Variants in PDE3A observed in about 807,000 individuals in gnomAD.
PDE3A encodes phosphodiesterase 3A.
PDE3A carries 43 observed loss-of-function variants against 98.3 expected under a neutral mutation model. The ratio of observed to expected loss-of-function variants is 0.44; its 90% confidence interval spans 0.34 to 0.56. The LOEUF (loss-of-function observed/expected upper bound fraction) is 0.56. Ranked by LOEUF, PDE3A falls within the 20% of genes least tolerant of loss-of-function variation. The pLI, the probability that PDE3A is intolerant of heterozygous loss-of-function variation, is 0.01. For synonymous variants in PDE3A, 663 were observed against 567.9 expected (o/e 1.17, Z -2.38); for missense variants, 1,427 against 1,440.7 (o/e 0.99, Z 0.15).
chr12:20,385,983 T>TAATATATATAAAATATATATAAA (rs1200465851), intron 1 of PDE3A, among the ~76,000 whole-genome samples: 2 of 69,900 alleles, frequency 2.9e-5, no homozygotes, highest in Non-Finnish European at 5.7e-5. Context: ...TATTAATATA[T>TAATATATATAAAATATATATAAA]AATATATATA....
At chr12:20,550,021 C>A (rs990005496) in intron 1 of PDE3A, among the ~76,000 whole-genome samples, 1 of 152,064 alleles carries the variant, frequency 6.6e-6, no homozygotes. Flanking sequence ...AAATCGTCAT[C>A]GTTAAGATAA....
chr12:20,528,990 G>A (rs1048276385), intron 1 of PDE3A, among the ~76,000 whole-genome samples: 2 of 152,056 alleles, frequency 1.3e-5, no homozygotes, highest in Non-Finnish European at 2.9e-5. Flanking sequence ...AAATTCATGA[G>A]CAGGACAGAT....
intron 4 of PDE3A, 99 bp downstream of exon 4, chr12:20,616,483 T>G: frequency 8.8e-7 from 1 of 1,139,280 alleles, no homozygotes. Context: ...CAATTACATT[T>G]GGTTGGAGGT....
At position 20,483,653 on chromosome 12, in the gene PDE3A, C is replaced by T. The variant is rs182899020; in HGVS notation, c.961-73007C>T. ...ATTTCCTTATATTACTCTGTTTTTACTGTAATGTTTAGAAATCTACTTTCT... is the reference window on the plus strand; with the variant it reads ...ATTTCCTTATATTACTCTGTTTTTATTGTAATGTTTAGAAATCTACTTTCT... On this transcript the variant is annotated intron_variant, in intron 1 of 15. Coordinates refer to ENST00000359062, the MANE Select transcript of PDE3A (RefSeq NM_000921.5). Among the ~76,000 whole-genome samples, 379 of 152,112 alleles carry T rather than the reference C, an allele frequency of 2.5e-3. 5 individuals are homozygous for T. Among genetic ancestry groups the T allele is most frequent in the African/African-American group, 6.2e-3 (257 of 41,500 alleles).
At chr12:20,619,967 A>T (rs1260663746) in intron 4 of PDE3A, among the ~76,000 whole-genome samples, 2 of 152,128 alleles carry the variant, frequency 1.3e-5, no homozygotes, top group African/African-American at 4.8e-5. Flanking sequence ...TACAGACAAT[A>T]GTAAGACCCA....
intron 4 of PDE3A, 35 bp from the exon 5 acceptor site, chr12:20,621,261 A>G (rs1467959175): frequency 2.5e-6 from 3 of 1,200,348 alleles, no homozygotes; most frequent in Non-Finnish European, 3.7e-6. Context: ...AATTTGTTTA[A>G]TTTTCTTTTA....
At position 20,368,811 on chromosome 12, in the gene PDE3A, G is replaced by T. The variant is rs1013498942; in HGVS notation, c.-474G>T. Among the ~76,000 whole-genome samples the T allele has an allele frequency of 6.6e-6, 1 of 151,820 alleles. No individual in the cohort carries two copies. Among genetic ancestry groups the T allele is most frequent in the Non-Finnish European group, 1.5e-5 (1 of 67,916 alleles). ...CGCGGGCCCGGCGCGCTGCAGCGCAGCGCAGCGCCGAGCTGCGCCTCGGAA... is the reference window on the plus strand; with the variant it reads ...CGCGGGCCCGGCGCGCTGCAGCGCATCGCAGCGCCGAGCTGCGCCTCGGAA... On this transcript the variant is annotated 5_prime_UTR_variant, in exon 1 of 16. Coordinates refer to ENST00000359062, the MANE Select transcript of PDE3A (RefSeq NM_000921.5).
chr12:20,662,359 T>C (rs1283148090), intron 15 of PDE3A, among the ~76,000 whole-genome samples: 1 of 151,984 alleles, frequency 6.6e-6, no homozygotes, highest in African/African-American at 2.4e-5. Context: ...GGAGTAAAAG[T>C]CACTCTTGTT....
At chr12:20,620,165 A>AAGCTT (rs1565452131) in intron 4 of PDE3A, among the ~76,000 whole-genome samples, 2 of 152,172 alleles carry the variant, frequency 1.3e-5, no homozygotes, top group East Asian at 3.9e-4. Context: ...TATTAATTAT[A>AAGCTT]AGCTTATATG....
chr12:20,584,920 C>T (rs1943155435), intron 2 of PDE3A, among the ~76,000 whole-genome samples: 1 of 152,094 alleles, frequency 6.6e-6, no homozygotes. Flanking sequence ...ATAAGTTTCA[C>T]TTAAAGGTAG....
At chr12:20,494,550 G>T (rs1208004258) in intron 1 of PDE3A, among the ~76,000 whole-genome samples, 1 of 151,990 alleles carries the variant, frequency 6.6e-6, no homozygotes, top group South Asian at 2.1e-4. Context: ...GTGTGTGTTT[G>T]TGTGTCTCTG....
At chr12:20,584,017 C>A (rs1046822883) in intron 2 of PDE3A, among the ~76,000 whole-genome samples, 1 of 152,224 alleles carries the variant, frequency 6.6e-6, no homozygotes, top group African/African-American at 2.4e-5. Context: ...TGACCACAAC[C>A]TTCAAGTTCT....
intron 1 of PDE3A, among the ~76,000 whole-genome samples, chr12:20,526,239 C>G (rs1185072274): frequency 6.6e-6 from 1 of 152,066 alleles, no homozygotes. Context: ...TTATTTTTCT[C>G]TCTATTGATA....
chr12:20,669,811 C>T (rs927697677), intron 15 of PDE3A, among the ~76,000 whole-genome samples: 1 of 151,532 alleles, frequency 6.6e-6, no homozygotes, highest in Admixed American at 6.6e-5. Flanking sequence ...AAATAACCAG[C>T]TAACATCATA....
intron 8 of PDE3A, 152 bp downstream of exon 8, chr12:20,635,208 C>T: frequency 1.6e-6 from 1 of 641,038 alleles, no homozygotes; most frequent in East Asian, 2.7e-5. Flanking sequence ...ATCACGAGGT[C>T]AGGAGTTCGA....
chr12:20,630,377 T>C lies in PDE3A; in HGVS notation c.1760+250T>C, dbSNP rs529152046. ...TTAGAGAGGATACAAAACTGTTAGC[T>C]GTATATGTTGCCTGTTTGCTGATGG... On this transcript the variant is annotated intron_variant, in intron 6 of 15. Coordinates refer to ENST00000359062, the MANE Select transcript of PDE3A (RefSeq NM_000921.5). Among the ~76,000 whole-genome samples, 4 of 152,304 alleles carry C rather than the reference T, an allele frequency of 2.6e-5. No individual in the cohort carries two copies. In the East Asian group the frequency reaches 7.7e-4, roughly 29 times the overall value.
intron 1 of PDE3A, among the ~76,000 whole-genome samples, chr12:20,409,428 A>G (rs967457471): frequency 5.9e-5 from 9 of 152,162 alleles, no homozygotes; most frequent in African/African-American, 1.7e-4. Context: ...TAAGTTTCTT[A>G]AGGACAAAAA....
intron 2 of PDE3A, among the ~76,000 whole-genome samples, chr12:20,564,293 G>A (rs1942603133): frequency 6.6e-6 from 1 of 152,066 alleles, no homozygotes; most frequent in African/African-American, 2.4e-5. Context: ...GAAAACCACT[G>A]AAATTACAGC....
intron 15 of PDE3A, among the ~76,000 whole-genome samples, chr12:20,675,577 A>C (rs983388159): frequency 3.9e-5 from 6 of 152,168 alleles, no homozygotes; most frequent in African/African-American, 1.4e-4. Flanking sequence ...TGCTTTGCAT[A>C]TATCTGGGTG....
Sources: allele counts gnomAD v4.1 joint callset (sites outside exome capture counted in the v4.1 genomes callset), GRCh38; gene constraint gnomAD v4.1.1; transcripts MANE v1.5; gene names NCBI Gene and HGNC (gene_info 2026-07-23, HGNC 2026-07-21).